Variants in ATRNL1 observed in about 807,000 individuals in gnomAD.
ATRNL1 encodes attractin-like protein 1.
A neutral mutation model predicts 182.7 loss-of-function variants in ATRNL1; 95 were observed. That is an observed-to-expected ratio of 0.52 (90% CI 0.44 to 0.62). The LOEUF (loss-of-function observed/expected upper bound fraction) is 0.62, where lower values mean the gene tolerates loss of function less well. ATRNL1 is among the 20% of genes least tolerant of loss of function. ATRNL1 has a pLI of 0.00. For missense variants in ATRNL1, 1,471 were observed against 1,679.5 expected (o/e 0.88, Z 2.17); for synonymous variants, 576 against 568.3 (o/e 1.01, Z -0.19).
intron 26 of ATRNL1, among the ~76,000 whole-genome samples, chr10:115,677,727 A>G (rs1252032964): frequency 1.3e-5 from 2 of 152,028 alleles, no homozygotes; most frequent in African/African-American, 2.4e-5. Flanking sequence ...TTTATCAGCA[A>G]CGTGAAAACA....
intron 21 of ATRNL1, among the ~76,000 whole-genome samples, chr10:115,453,471 G>A (rs1012672491): frequency 1.3e-5 from 2 of 151,842 alleles, no homozygotes; most frequent in Admixed American, 1.3e-4. Context: ...CTCTCATTTT[G>A]TACCATTTTC....
At chr10:115,396,473 T>C (rs1554955611) in intron 20 of ATRNL1, among the ~76,000 whole-genome samples, 2 of 152,128 alleles carry the variant, frequency 1.3e-5, no homozygotes, top group Admixed American at 1.3e-4. Flanking sequence ...TTAATAACTT[T>C]TAAATAAGAA....
chr10:115,107,026 A>T (rs1554866174), intron 1 of ATRNL1, among the ~76,000 whole-genome samples: 1 of 152,140 alleles, frequency 6.6e-6, no homozygotes, highest in Non-Finnish European at 1.5e-5. Context: ...ATCCTTTTAT[A>T]AGGAACCCAT....
intron 23 of ATRNL1, among the ~76,000 whole-genome samples, chr10:115,468,961 C>G (rs539041882): frequency 3.3e-5 from 5 of 150,756 alleles, no homozygotes; most frequent in African/African-American, 1.2e-4. Context: ...GTACATAGCA[C>G]TTAATCAGTG....
intron 27 of ATRNL1, among the ~76,000 whole-genome samples, chr10:115,767,787 CAGT>C (rs1435395420): frequency 2.0e-5 from 3 of 152,120 alleles, no homozygotes; most frequent in Non-Finnish European, 4.4e-5. Context: ...TGTTATTGGT[CAGT>C]TTAACTTAAT....
intron 27 of ATRNL1, among the ~76,000 whole-genome samples, chr10:115,837,915 T>C (rs1391900016): frequency 6.6e-6 from 1 of 152,194 alleles, no homozygotes; most frequent in Non-Finnish European, 1.5e-5. Flanking sequence ...TGATATTCAA[T>C]TGGTTTTGAC....
At chr10:115,595,376 G>A (rs1592918799) in intron 26 of ATRNL1, among the ~76,000 whole-genome samples, 1 of 152,118 alleles carries the variant, frequency 6.6e-6, no homozygotes, top group East Asian at 1.9e-4. Flanking sequence ...TTTCTGCTTT[G>A]AGTGTAGACT....
chr10:115,609,672 A>C (rs955557390), intron 26 of ATRNL1, among the ~76,000 whole-genome samples: 1 of 152,006 alleles, frequency 6.6e-6, no homozygotes, highest in African/African-American at 2.4e-5. Context: ...TTAACACAGT[A>C]CCTGAAAATA....
intron 1 of ATRNL1, among the ~76,000 whole-genome samples, chr10:115,108,633 C>T (rs569889525): frequency 6.6e-6 from 1 of 152,274 alleles, no homozygotes; most frequent in East Asian, 1.9e-4. Flanking sequence ...CTTGTCTGCT[C>T]CTTACAATAC....
In ATRNL1 at chr10:115,470,564, A is replaced by C. The variant is rs527275919; in HGVS notation, c.3654+1235A>C. ...TTAGTAATTAGTTATTAAAATTGATATGATTATATTTTAAATTGCTTCCTA... is the reference window on the plus strand; with the variant it reads ...TTAGTAATTAGTTATTAAAATTGATCTGATTATATTTTAAATTGCTTCCTA... On this transcript the variant is annotated intron_variant, in intron 24 of 28. Coordinates refer to ENST00000355044, the MANE Select transcript of ATRNL1 (RefSeq NM_207303.4). Among the ~76,000 whole-genome samples, 5 of 150,780 alleles carry C rather than the reference A, an allele frequency of 3.3e-5. No homozygotes were observed. In the South Asian group the frequency reaches 1.0e-3, roughly 31 times the overall value.
chr10:115,728,112 A>G (rs1472051237), intron 27 of ATRNL1, among the ~76,000 whole-genome samples: 5 of 86,636 alleles, frequency 5.8e-5, no homozygotes, highest in African/African-American at 2.2e-4. Context: ...CGTCTCTACT[A>G]AAAAAAAAAA....
In ATRNL1 at chr10:115,589,181, A is replaced by G. The variant is rs563919465; in HGVS notation, c.3795+39645A>G. Among the ~76,000 whole-genome samples the G allele has an allele frequency of 5.9e-5, 9 of 152,324 alleles. 1 individual carries two copies. The Middle Eastern group carries it at 0.017, about 290-fold the overall frequency. ...TAGACTTTGACTATAACGTATTCAGATATTTTTGAATATTATTAACAAACT... is the reference window on the plus strand; with the variant it reads ...TAGACTTTGACTATAACGTATTCAGGTATTTTTGAATATTATTAACAAACT... On this transcript the variant is annotated intron_variant, in intron 26 of 28. Transcript: ENST00000355044.
At chr10:115,120,333 A>T in intron 2 of ATRNL1, 65 bp downstream of exon 2, 2 of 839,516 alleles carry the variant, frequency 2.4e-6, no homozygotes, top group Non-Finnish European at 3.8e-6. Flanking sequence ...GATCATATTA[A>T]TGTCAGAGCA....
At chr10:115,373,827 T>A (rs1554948755) in intron 19 of ATRNL1, among the ~76,000 whole-genome samples, 1 of 151,936 alleles carries the variant, frequency 6.6e-6, no homozygotes, top group African/African-American at 2.4e-5. Flanking sequence ...ACTGGTAATT[T>A]CTTTTATCTT....
intron 15 of ATRNL1, among the ~76,000 whole-genome samples, chr10:115,296,229 G>A (rs1554922533): frequency 6.6e-6 from 1 of 152,148 alleles, no homozygotes; most frequent in Admixed American, 6.5e-5. Flanking sequence ...AGAAGACAGG[G>A]CAAAGGCTGG....
intron 15 of ATRNL1, among the ~76,000 whole-genome samples, chr10:115,293,763 T>G (rs782138073): frequency 6.6e-6 from 1 of 152,220 alleles, no homozygotes; most frequent in Non-Finnish European, 1.5e-5. Context: ...TTTGTTTTCT[T>G]CTCAATAGTT....
intron 28 of ATRNL1, among the ~76,000 whole-genome samples, chr10:115,872,208 CT>C (rs1951601755): frequency 6.6e-6 from 1 of 152,188 alleles, no homozygotes; most frequent in Non-Finnish European, 1.5e-5. Flanking sequence ...AATACATTTG[CT>C]TCCTAGCCTT....
At chr10:115,199,536 C>A (rs1388470747) in intron 8 of ATRNL1, among the ~76,000 whole-genome samples, 1 of 151,952 alleles carries the variant, frequency 6.6e-6, no homozygotes, top group African/African-American at 2.4e-5. Context: ...TGCACTTCAG[C>A]CTGGCGACAG....
chr10:115,849,307 G>A (rs1405787262), intron 28 of ATRNL1, among the ~76,000 whole-genome samples: 3 of 152,138 alleles, frequency 2.0e-5, no homozygotes, highest in African/African-American at 7.2e-5. Context: ...TTTGGCACTG[G>A]TCAGATAAGA....
Sources: allele counts gnomAD v4.1 joint callset (sites outside exome capture counted in the v4.1 genomes callset), GRCh38; gene constraint gnomAD v4.1.1; transcripts MANE v1.5; gene names NCBI Gene and HGNC (gene_info 2026-07-23, HGNC 2026-07-21).